Variants in ADRA1A observed in about 807,000 individuals in gnomAD.
The protein encoded by ADRA1A is adrenoceptor alpha 1A.
Under a neutral mutation model 29.6 loss-of-function variants are expected in ADRA1A, and 31 were observed. The observed-to-expected ratio is 1.05, with a 90% CI of 0.79 to 1.41. The LOEUF (loss-of-function observed/expected upper bound fraction) is 1.41, where lower values mean the gene tolerates loss of function less well. Ranked by LOEUF, ADRA1A falls within the 40% of genes most tolerant of loss-of-function variation. The pLI, the probability that ADRA1A is intolerant of heterozygous loss-of-function variation, is 0.00. For missense variants in ADRA1A, 619 were observed against 601.1 expected (o/e 1.03, Z -0.31); for synonymous variants, 311 against 254.3 (o/e 1.22, Z -2.12).
intron 2 of ADRA1A, among the ~76,000 whole-genome samples, chr8:26,811,190 C>CTTTTT (rs1226269478): frequency 3.5e-5 from 5 of 142,722 alleles, no homozygotes; most frequent in Admixed American, 6.9e-5. Context: ...AGCTTTCTTT[C>CTTTTT]TTTTCTTTTT....
chr8:26,758,711 A>T (rs913664657), intron 2 of ADRA1A, among the ~76,000 whole-genome samples: 3 of 152,286 alleles, frequency 2.0e-5, no homozygotes, highest in East Asian at 3.9e-4. Context: ...TGCCCTTCCT[A>T]GCATGGGCAT....
chr8:26,826,213 AG>A (rs1219085384), intron 2 of ADRA1A, among the ~76,000 whole-genome samples: 1 of 152,218 alleles, frequency 6.6e-6, no homozygotes, highest in Non-Finnish European at 1.5e-5. Flanking sequence ...AATTAATGAA[AG>A]TCTCATGAGT....
Position 26,769,856 on chromosome 8 carries a change from A to T in ADRA1A, c.*293T>A. ...TTTATAGTCTTTTGGATTGTGCATG[A>T]AATTCTGTTTCCCATGGTGGTTTTC... On this transcript the variant is annotated 3_prime_UTR_variant, in exon 3 of 3. Coordinates refer to ENST00000380573, the MANE Select transcript of ADRA1A (RefSeq NM_000680.4). The T allele has an allele frequency of 8.7e-7, 1 of 1,151,688 alleles. No individual in the cohort carries two copies. Among genetic ancestry groups the T allele is most frequent in the South Asian group, 4.1e-5 (1 of 24,442 alleles). The allele number at this position is 1,151,688 out of a possible 1,614,324, so 71.3% of individuals were successfully genotyped here.
chr8:26,853,508 G>A (rs1171490404), intron 2 of ADRA1A, among the ~76,000 whole-genome samples: 3 of 152,166 alleles, frequency 2.0e-5, no homozygotes, highest in Non-Finnish European at 4.4e-5. Context: ...AAAGTAATGT[G>A]ACAGCAATAC....
At chr8:26,755,152 T>C, downstream of ADRA1A, among the ~76,000 whole-genome samples, 1 of 152,146 alleles carries the variant, frequency 6.6e-6, no homozygotes, top group East Asian at 1.9e-4. Flanking sequence ...CTTCCATTCT[T>C]GGGCAAATAT....
At position 26,770,618 on chromosome 8, in the gene ADRA1A, A is replaced by G. The variant is rs758801521; in HGVS notation, c.932T>C (p.Val311Ala). ...FKPSETVFKI[V>A]FWLGYLNSCI... is the part of the protein sequence containing the mutation. ...GCTGTTTAGATATCCGAGCCAAAAT[A>G]CTATTTTAAAAACTGTTTCAGAGGG... Residue 311 changes from valine to alanine, a missense_variant, in exon 3 of 3, where the codon GTA (valine) becomes GCA (alanine). Val to Ala is a moderately conservative substitution (Grantham distance 64, BLOSUM62 0). Coordinates refer to ENST00000380573, the MANE Select transcript of ADRA1A (RefSeq NM_000680.4). 6.2e-7 allele frequency: 1 copy of G among 1,614,160 alleles called. No homozygotes were observed. The highest frequency in any genetic ancestry group is 1.7e-5 in the Admixed American group (1 of 60,026).
chr8:26,776,921 C>T (rs1316602590), intron 2 of ADRA1A, among the ~76,000 whole-genome samples: 1 of 152,176 alleles, frequency 6.6e-6, no homozygotes, highest in Non-Finnish European at 1.5e-5. Context: ...TCCGATGTGC[C>T]TGGTACACAT....
At chr8:26,862,875 T>A (rs471188) in intron 2 of ADRA1A, among the ~76,000 whole-genome samples, 134,060 of 152,240 alleles carry the variant, frequency 0.88, 59,829 homozygotes, top group Non-Finnish European at 0.96. Context: ...ATAGCTATCC[T>A]TGGCTGGTGG....
rs1212153128 is a variant in ADRA1A, at chr8:26,769,069, A to G, written c.*1080T>C. ...ATAATGTACTTGGATCATAAGGCTCATTCCAACATGCCACAGGTGAAGCTC... is the reference window on the plus strand; with the variant it reads ...ATAATGTACTTGGATCATAAGGCTCGTTCCAACATGCCACAGGTGAAGCTC... On this transcript the variant is annotated 3_prime_UTR_variant, in exon 3 of 3. Transcript: ENST00000380573. The G allele has an allele frequency of 3.0e-6, 3 of 985,340 alleles. No individual in the cohort carries two copies. The African/African-American group carries it at 5.2e-5, about 17-fold the overall frequency. 61.0% of individuals were successfully genotyped at this position (985,340 alleles called of 1,614,324 possible).
At chr8:26,830,475 G>A (rs924362255) in intron 2 of ADRA1A, among the ~76,000 whole-genome samples, 1 of 152,164 alleles carries the variant, frequency 6.6e-6, no homozygotes, top group Non-Finnish European at 1.5e-5. Flanking sequence ...CTGGACCACA[G>A]GGAAATAAAT....
chr8:26,782,838 A>G (rs1008321139), intron 2 of ADRA1A, among the ~76,000 whole-genome samples: 2 of 151,972 alleles, frequency 1.3e-5, no homozygotes, highest in African/African-American at 2.4e-5. Context: ...TGAATTCACC[A>G]TCTCTCACAA....
intron 2 of ADRA1A, among the ~76,000 whole-genome samples, chr8:26,776,888 C>T (rs1314485713): frequency 3.3e-5 from 5 of 152,182 alleles, no homozygotes; most frequent in African/African-American, 9.6e-5. Context: ...TTAATTGTTT[C>T]TCCTTGTTCA....
rs963501825 is a variant in ADRA1A, at chr8:26,825,942, G to A, written c.883+38145C>T. ...GTCCCAAGTGCTGAGCTGGGCACTG[G>A]CCATGCCAAAAACACATAAACACAT... On this transcript the variant is annotated intron_variant, in intron 2 of 2. Coordinates refer to ENST00000380573, the MANE Select transcript of ADRA1A (RefSeq NM_000680.4). This position sits in a 1 kb window ranked among gnomAD's most constrained non-coding sequence, Gnocchi z 5.7. 2.0e-5 allele frequency among the ~76,000 whole-genome samples: 3 copies of A among 152,172 alleles called. No individual in the cohort carries two copies. The highest frequency in any genetic ancestry group is 7.2e-5 in the African/African-American group (3 of 41,448).
upstream of ADRA1A, chr8:26,867,366 T>C (rs61757022): frequency 0.031 from 30,946 of 985,310 alleles, 541 homozygotes; most frequent in Non-Finnish European, 0.034. Context: ...AGCTGTAATG[T>C]TTTCCTCTGG....
At chr8:26,750,799 G>T (rs1250478259) in intron 2 of ADRA1A, among the ~76,000 whole-genome samples, 1 of 152,228 alleles carries the variant, frequency 6.6e-6, no homozygotes, top group Non-Finnish European at 1.5e-5. Context: ...GCTGGGTGCA[G>T]TGGCTCACGC....
chr8:26,864,344 A>G lies in ADRA1A; in HGVS notation c.626T>C (p.Val209Ala). The G allele has an allele frequency of 6.2e-7, 1 of 1,614,036 alleles. No homozygotes were observed. The highest frequency in any genetic ancestry group is 8.5e-7 in the Non-Finnish European group (1 of 1,180,004). ...IILVMYCRVY[V>A]VAKRESRGLK... ...GCCCCGGCTCTCCCTCTTGGCCACC[A>G]CGTAGACGCGGCAGTACATGACCAG... Residue 209 changes from valine (V) to alanine (A), a missense_variant, in exon 2 of 3, where the codon GTG (valine) becomes GCG (alanine). Physicochemically the swap from Val to Ala is moderately conservative, Grantham distance 64. Transcript: ENST00000380573. The surrounding 1 kb of genome is among the most constrained non-coding windows in gnomAD (Gnocchi z 8.1).
chr8:26,849,045 A>G (rs566905851), intron 2 of ADRA1A, among the ~76,000 whole-genome samples: 2 of 152,326 alleles, frequency 1.3e-5, no homozygotes, highest in East Asian at 1.9e-4. Context: ...TAAATTCTCA[A>G]TCTATCTAAA....
In ADRA1A at chr8:26,857,616, T is replaced by G. The variant is rs527923153; in HGVS notation, c.883+6471A>C. ...AGTTCGAGGCCGCAGTGAGCTATGA[T>G]TACCACTGAACTCCAGTCTGGGTGA... On this transcript the variant is annotated intron_variant, in intron 2 of 2. Coordinates refer to ENST00000380573, the MANE Select transcript of ADRA1A (RefSeq NM_000680.4). Among the ~76,000 whole-genome samples the G allele has an allele frequency of 5.3e-5, 8 of 152,242 alleles. No individual in the cohort carries two copies. In the South Asian group the frequency reaches 1.5e-3, roughly 28 times the overall value.
intron 2 of ADRA1A, among the ~76,000 whole-genome samples, chr8:26,818,827 T>C (rs1005323756): frequency 6.6e-6 from 1 of 151,758 alleles, no homozygotes; most frequent in Non-Finnish European, 1.5e-5. Flanking sequence ...GAAGAAAGAC[T>C]CCAGGATTTA....
Sources: gnomAD v4.1 joint callset for allele counts (sites outside exome capture counted in the v4.1 genomes callset) on GRCh38, gnomAD v4.1.1 for gene constraint, Gnocchi (gnomAD v3.1) non-coding constraint, MANE v1.5 for transcripts, NCBI Gene and HGNC (gene_info 2026-07-23, HGNC 2026-07-21) for gene names.